Variants in RBFOX2 observed in about 807,000 individuals in gnomAD.
RBFOX2 encodes RNA binding protein fox-1 homolog 2.
Under a neutral mutation model 49.1 loss-of-function variants are expected in RBFOX2, and 10 were observed. The observed-to-expected ratio is 0.20, with a 90% confidence interval of 0.13 to 0.35. RBFOX2 has a LOEUF of 0.35. RBFOX2 is among the 10% of genes least tolerant of loss of function. The probability of loss-of-function intolerance (pLI) is 1.00; values close to 1 mark genes in which losing one functional copy is unlikely to be tolerated. For missense variants in RBFOX2, 323 were observed against 486.9 expected (o/e 0.66, Z 3.17); for synonymous variants, 183 against 187.4 (o/e 0.98, Z 0.19).
intron 1 of RBFOX2, chr22:35,961,537 C>T: frequency 1.5e-6 from 2 of 1,303,872 alleles, no homozygotes; most frequent in Non-Finnish European, 2.0e-6. Flanking sequence ...CTCCACCACC[C>T]CCCACACACC....
chr22:35,777,933 A>G, intron 4 of RBFOX2, 92 bp downstream of exon 5: 1 of 1,321,524 alleles, frequency 7.6e-7, no homozygotes. Context: ...TGCAGGCTTG[A>G]AAACAGCTTA....
At chr22:35,925,897 C>T (rs2051573877) in intron 1 of RBFOX2, among the ~76,000 whole-genome samples, 1 of 152,190 alleles carries the variant, frequency 6.6e-6, no homozygotes, top group African/African-American at 2.4e-5. Flanking sequence ...TGCATGATTA[C>T]ATAGTACTTG....
chr22:35,855,597 T>C (rs2042418643), intron 1 of RBFOX2, among the ~76,000 whole-genome samples: 1 of 152,094 alleles, frequency 6.6e-6, no homozygotes, highest in Non-Finnish European at 1.5e-5. Flanking sequence ...TTTGTAGACA[T>C]GGAGCTTTGC....
chr22:36,019,028 C>A (rs547520295), intron 1 of RBFOX2, among the ~76,000 whole-genome samples: 2 of 152,238 alleles, frequency 1.3e-5, no homozygotes, highest in African/African-American at 2.4e-5. Context: ...TTTCCATAGA[C>A]AAAATGAGAA....
At chr22:35,849,845 G>GA (rs2041703505) in intron 1 of RBFOX2, among the ~76,000 whole-genome samples, 1 of 152,042 alleles carries the variant, frequency 6.6e-6, no homozygotes, top group Admixed American at 6.5e-5. Flanking sequence ...GAGATGTTCA[G>GA]AAAAAAGCAA....
chr22:35,874,240 A>G (rs1000101502), intron 1 of RBFOX2, among the ~76,000 whole-genome samples: 1 of 152,214 alleles, frequency 6.6e-6, no homozygotes, highest in Non-Finnish European at 1.5e-5. Context: ...TCAAACACGC[A>G]ACAAAGGTAA....
intron 1 of RBFOX2, among the ~76,000 whole-genome samples, chr22:35,971,404 T>C (rs2056863309): frequency 6.6e-6 from 1 of 152,134 alleles, no homozygotes; most frequent in African/African-American, 2.4e-5. Flanking sequence ...TTTCCAAGTC[T>C]CATTCACATT....
chr22:35,752,695 C>T, intron 9 of RBFOX2: 1 of 950,212 alleles, frequency 1.1e-6, no homozygotes, highest in Non-Finnish European at 1.3e-6. Flanking sequence ...AAAAACACAG[C>T]TGTGGAAGGA....
In RBFOX2 at chr22:35,984,516, G is replaced by A. The variant is rs375944581; in HGVS notation, c.186+43724C>T. ...CACATCTGTTATATAATAAAACTGT[G>A]GTAAATATGTTGGTAAAGGTCTATA... On this transcript the variant is annotated intron_variant, in intron 1 of 13. Transcript: ENST00000438146. 2.0e-5 allele frequency among the ~76,000 whole-genome samples: 3 copies of A among 152,138 alleles called. No homozygotes were observed. The East Asian group carries it at 5.8e-4, about 29-fold the overall frequency.
chr22:35,835,110 G>A (rs1193012992), intron 1 of RBFOX2, among the ~76,000 whole-genome samples: 1 of 152,202 alleles, frequency 6.6e-6, no homozygotes, highest in Admixed American at 6.5e-5. Flanking sequence ...TACTGCAGGG[G>A]AGCCTTGTAT....
chr22:35,865,767 A>T (rs2043606317), intron 1 of RBFOX2, among the ~76,000 whole-genome samples: 1 of 152,232 alleles, frequency 6.6e-6, no homozygotes, highest in African/African-American at 2.4e-5. Context: ...TATAGGGTAC[A>T]TGTATTGCAT....
At chr22:35,913,119 G>C (rs2050007142) in intron 1 of RBFOX2, among the ~76,000 whole-genome samples, 1 of 938 alleles carries the variant, frequency 1.1e-3, no homozygotes, top group African/African-American at 4.2e-3. Flanking sequence ...TTTTTTAATT[G>C]GAAGTAACCA....
intron 2 of RBFOX2, among the ~76,000 whole-genome samples, chr22:35,806,036 C>T (rs1878140227): frequency 6.6e-6 from 1 of 152,136 alleles, no homozygotes. Flanking sequence ...AGTGAAATTA[C>T]TTTTTGTGAT....
At chr22:36,001,217 ACACACACACACACAC>A (rs1569521460) in intron 1 of RBFOX2, among the ~76,000 whole-genome samples, 1 of 148,018 alleles carries the variant, frequency 6.8e-6, no homozygotes, top group Non-Finnish European at 1.5e-5. Flanking sequence ...ACACACACAC[ACACACACACACACAC>A]ACTATATGTA....
chr22:35,837,181 A>C (rs1957828388), intron 1 of RBFOX2, among the ~76,000 whole-genome samples: 1 of 152,230 alleles, frequency 6.6e-6, no homozygotes, highest in South Asian at 2.1e-4. Context: ...AGCATATGTA[A>C]TAATAAAGCG....
chr22:36,018,473 A>T, intron 1 of RBFOX2, among the ~76,000 whole-genome samples: 1 of 152,248 alleles, frequency 6.6e-6, no homozygotes, highest in East Asian at 1.9e-4. Context: ...ACTATAAGCC[A>T]CTGGACATGG....
intron 11 of RBFOX2, 36 bp downstream of exon 13, chr22:35,745,887 A>G (rs1238153633): frequency 7.7e-6 from 12 of 1,565,848 alleles, no homozygotes; most frequent in Non-Finnish European, 1.1e-5. Flanking sequence ...AAGGAATGAA[A>G]TGGTTTTATA....
At chr22:35,898,359 A>G in intron 1 of RBFOX2, 1 of 647,798 alleles carries the variant, frequency 1.5e-6, no homozygotes, top group Non-Finnish European at 2.9e-6. Context: ...GCAGAATGTG[A>G]CATTGGCAGG....
intron 1 of RBFOX2, among the ~76,000 whole-genome samples, chr22:35,979,133 G>T (rs925938692): frequency 1.3e-5 from 2 of 152,058 alleles, no homozygotes; most frequent in Admixed American, 6.6e-5. Context: ...TCATTGCAGT[G>T]GTATTCCTGC....
Sources: allele counts gnomAD v4.1 joint callset (sites outside exome capture counted in the v4.1 genomes callset), GRCh38; gene constraint gnomAD v4.1.1; transcripts MANE v1.5; gene names NCBI Gene and HGNC (gene_info 2026-07-23, HGNC 2026-07-21).